The following PIK3C2G variants were observed in gnomAD, a reference collection of about 807,000 sequenced individuals.
The protein encoded by PIK3C2G is phosphatidylinositol 3-kinase C2 domain-containing subunit gamma.
A neutral mutation model predicts 181.1 loss-of-function variants in PIK3C2G; 168 were observed. The observed-to-expected ratio is 0.93, with a 90% CI of 0.82 to 1.05. PIK3C2G has a LOEUF of 1.05. PIK3C2G is among the 50% of genes least tolerant of loss of function. The pLI is 0.00. For missense variants in PIK3C2G, 1,869 were observed against 1,732.8 expected, an observed-to-expected ratio of 1.08 and a Z score of -1.40; for synonymous variants, 573 against 592.2, an observed-to-expected ratio of 0.97 and a Z score of 0.47.
chr12:18,320,336 CGTGT>C (rs1951053149), intron 6 of PIK3C2G, among the ~76,000 whole-genome samples: 1 of 144,904 alleles, frequency 6.9e-6, no homozygotes, highest in Admixed American at 7.2e-5. Flanking sequence ...TGTGTGTGTG[CGTGT>C]GTGTGTGAGC....
At chr12:18,293,599 C>T (rs909755647) in intron 4 of PIK3C2G, among the ~76,000 whole-genome samples, 6 of 152,088 alleles carry the variant, frequency 3.9e-5, no homozygotes, top group Admixed American at 3.3e-4. Context: ...AGAGAAACTG[C>T]AGTAGATTTT....
At chr12:18,309,320 G>A (rs1220152630) in intron 5 of PIK3C2G, among the ~76,000 whole-genome samples, 1 of 151,630 alleles carries the variant, frequency 6.6e-6, no homozygotes, top group East Asian at 1.9e-4. Flanking sequence ...ATATCAAAAA[G>A]TTCATTTTTT....
At chr12:18,251,399 C>T (rs10770335) in intron 1 of PIK3C2G, among the ~76,000 whole-genome samples, 51,875 of 151,712 alleles carry the variant, frequency 0.34, 9,306 homozygotes, top group Non-Finnish European at 0.4. Flanking sequence ...TTGTTTACTA[C>T]CTGTTATATC....
At chr12:18,310,267 G>C (rs1450201345) in intron 5 of PIK3C2G, among the ~76,000 whole-genome samples, 1 of 151,816 alleles carries the variant, frequency 6.6e-6, no homozygotes, top group Admixed American at 6.6e-5. Context: ...ATATCAGAAA[G>C]ATGACACAAA....
intron 18 of PIK3C2G, among the ~76,000 whole-genome samples, chr12:18,464,597 A>C (rs533878358): frequency 1.3e-5 from 2 of 152,070 alleles, no homozygotes; most frequent in East Asian, 3.9e-4. Context: ...AATGACTTTA[A>C]TTATTCCAAT....
intron 18 of PIK3C2G, among the ~76,000 whole-genome samples, chr12:18,487,461 C>T (rs1271789928): frequency 6.6e-6 from 1 of 151,826 alleles, no homozygotes; most frequent in Non-Finnish European, 1.5e-5. Context: ...TCAGAATTAT[C>T]TTTTAGTTCC....
chr12:18,405,074 G>GAT (rs1235137804), intron 16 of PIK3C2G, among the ~76,000 whole-genome samples: 1 of 152,144 alleles, frequency 6.6e-6, no homozygotes, highest in Non-Finnish European at 1.5e-5. Context: ...AAACTTGATA[G>GAT]ATAATTGCAT....
chr12:18,444,662 T>G (rs949093608), intron 18 of PIK3C2G, among the ~76,000 whole-genome samples: 4 of 152,166 alleles, frequency 2.6e-5, no homozygotes, highest in African/African-American at 9.7e-5. Context: ...CAACAATGAC[T>G]ATTTTTTTCT....
Position 18,346,705 on chromosome 12 carries a change from T to G in PIK3C2G, c.1494T>G (p.Cys498Trp), listed in dbSNP as rs1381345146. The G allele has an allele frequency of 1.2e-6, 2 of 1,613,286 alleles. No individual in the cohort carries two copies. The highest frequency in any genetic ancestry group is 1.7e-6 in the Non-Finnish European group (2 of 1,179,404). ...TSIYQLINVY[C>W]NSFYADFQPV... ...TCTACCAGCTAATCAATGTCTACTGTAACAGCTTTTATGCAGATTTTCAGC... is the reference window on the plus strand; with the variant it reads ...TCTACCAGCTAATCAATGTCTACTGGAACAGCTTTTATGCAGATTTTCAGC... Residue 498 changes from cysteine (C) to tryptophan (W), a missense_variant, in exon 11 of 33, where the codon TGT becomes TGG. Coordinates refer to ENST00000538779, the MANE Select transcript of PIK3C2G (RefSeq NM_001288772.2).
chr12:18,343,511 G>A (rs180961523), intron 10 of PIK3C2G, among the ~76,000 whole-genome samples, 151 bp downstream of exon 10: 1 of 151,436 alleles, frequency 6.6e-6, no homozygotes, highest in Admixed American at 6.6e-5. Context: ...TGAGGAGAAA[G>A]ATGCTTTTCT....
intron 14 of PIK3C2G, among the ~76,000 whole-genome samples, chr12:18,385,512 G>A (rs941533539): frequency 3.3e-5 from 5 of 152,070 alleles, no homozygotes; most frequent in South Asian, 2.1e-4. Context: ...ATTTAAGCAC[G>A]AAATGCAGAG....
chr12:18,721,713 AT>A, the PIK3C2G span, among the ~76,000 whole-genome samples: 3 of 138,388 alleles, frequency 2.2e-5, no homozygotes, highest in African/African-American at 5.6e-5. Context: ...AAGTCTTGCT[AT>A]TAAAAAAAAA....
At chr12:18,341,078 A>G (rs569204230) in intron 9 of PIK3C2G, among the ~76,000 whole-genome samples, 1 of 152,194 alleles carries the variant, frequency 6.6e-6, no homozygotes, top group Admixed American at 6.6e-5. Context: ...CCAGTTCTTA[A>G]CGAATTGGCA....
chr12:18,710,399 A>G, the PIK3C2G span, among the ~76,000 whole-genome samples: 1 of 152,050 alleles, frequency 6.6e-6, no homozygotes, highest in African/African-American at 2.4e-5. Context: ...TAAGGAGGCC[A>G]GAATGGCCAA....
At chr12:18,593,866 AGAGAGAAT>A (rs1947213619) in intron 29 of PIK3C2G, among the ~76,000 whole-genome samples, 1 of 151,824 alleles carries the variant, frequency 6.6e-6, no homozygotes, top group South Asian at 2.1e-4. Flanking sequence ...TGTTCTAAAG[AGAGAGAAT>A]ACCTTATGCA....
At chr12:18,693,579 G>T in the PIK3C2G span, 9 of 1,596,742 alleles carry the variant, frequency 5.6e-6, no homozygotes, top group South Asian at 8.8e-5. Context: ...AAACTCGGAC[G>T]GGAATTGTTT....
At chr12:18,378,765 G>T (rs984632010) in intron 13 of PIK3C2G, among the ~76,000 whole-genome samples, 17 of 152,202 alleles carry the variant, frequency 1.1e-4, no homozygotes, top group Admixed American at 2.0e-4. Flanking sequence ...ATGAAAAAAT[G>T]CTCATCATTG....
At chr12:18,603,784 G>A (rs921114964) in intron 30 of PIK3C2G, among the ~76,000 whole-genome samples, 1 of 152,146 alleles carries the variant, frequency 6.6e-6, no homozygotes, top group Non-Finnish European at 1.5e-5. Context: ...CATCATTTAT[G>A]AAGGAAAGAT....
chr12:18,587,978 C>G (rs1023873549), intron 29 of PIK3C2G, among the ~76,000 whole-genome samples: 1 of 151,784 alleles, frequency 6.6e-6, no homozygotes, highest in Non-Finnish European at 1.5e-5. Flanking sequence ...CGTTTTTTGA[C>G]AAACCTGACA....
Sources: gnomAD v4.1 joint callset for allele counts (sites outside exome capture counted in the v4.1 genomes callset) on GRCh38, gnomAD v4.1.1 for gene constraint, MANE v1.5 for transcripts, NCBI Gene and HGNC (gene_info 2026-07-23, HGNC 2026-07-21) for gene names.